MYO1B: variants seen among roughly 807,000 people sequenced by gnomAD.
The protein encoded by MYO1B is unconventional myosin-Ib.
A neutral mutation model predicts 159.7 loss-of-function variants in MYO1B; 72 were observed. The ratio of observed to expected loss-of-function variants is 0.45; its 90% CI spans 0.37 to 0.55. The LOEUF is 0.55. Among genes scored for constraint, MYO1B ranks in the 20% least tolerant of loss-of-function variants. The pLI is 0.00. For missense variants in MYO1B, 1,062 were observed against 1,364.8 expected (o/e 0.78, Z 3.50); for synonymous variants, 468 against 473.8 (o/e 0.99, Z 0.16).
chr2:191,326,976 T>G (rs1691140505), intron 3 of MYO1B, among the ~76,000 whole-genome samples: 1 of 152,156 alleles, frequency 6.6e-6, no homozygotes, highest in Admixed American at 6.5e-5. Context: ...ATTGGAAAAC[T>G]TCTTTTGTAT....
chr2:191,329,177 G>A (rs1049768818), intron 3 of MYO1B, among the ~76,000 whole-genome samples: 4 of 152,220 alleles, frequency 2.6e-5, no homozygotes, highest in Admixed American at 1.3e-4. Flanking sequence ...AGTAAATTTT[G>A]AAGTGGGGAA....
chr2:191,335,130 G>A (rs1046358952), intron 4 of MYO1B, among the ~76,000 whole-genome samples: 4 of 152,128 alleles, frequency 2.6e-5, no homozygotes, highest in African/African-American at 9.7e-5. Context: ...TTATCACTAA[G>A]ACGCCTGGAG....
intron 13 of MYO1B, among the ~76,000 whole-genome samples, chr2:191,380,609 CAGATTG>C (rs1440385797): frequency 6.6e-6 from 1 of 152,206 alleles, no homozygotes; most frequent in Non-Finnish European, 1.5e-5. Flanking sequence ...TTAAGCCCTG[CAGATTG>C]TTCAGAAATG....
chr2:191,349,459 A>C (rs965653501), intron 6 of MYO1B, among the ~76,000 whole-genome samples: 1 of 152,238 alleles, frequency 6.6e-6, no homozygotes, highest in Non-Finnish European at 1.5e-5. Flanking sequence ...CCAAACAAGA[A>C]ACAGCTGTCA....
Position 191,400,961 on chromosome 2 carries a change from C to T in MYO1B, c.2469+126C>T, listed in dbSNP as rs1451576691. ...CTCACACTGGTGCATGTCCTAGCCG[C>T]CAGATTTAACACACCTGGAAACATT... is the stretch of plus-strand genomic sequence containing the variant. On this transcript the variant is annotated intron_variant, in intron 23 of 30. Transcript: ENST00000392318. 4 of 831,202 alleles carry T rather than the reference C, an allele frequency of 4.8e-6. No homozygotes were observed. The East Asian group carries it at 1.1e-4, about 22-fold the overall frequency. The allele number at this position is 831,202 out of a possible 1,614,324, so 51.5% of individuals were successfully genotyped here.
chr2:191,271,855 G>A (rs896284484), intron 1 of MYO1B, among the ~76,000 whole-genome samples: 4 of 152,230 alleles, frequency 2.6e-5, no homozygotes, highest in Non-Finnish European at 5.9e-5. Flanking sequence ...ATCTCTGTGT[G>A]TTGGGGGGCT....
intron 13 of MYO1B, among the ~76,000 whole-genome samples, chr2:191,375,498 T>TAGATAGATAGAC (rs1553556410): frequency 4.0e-4 from 61 of 152,018 alleles, no homozygotes; most frequent in Admixed American, 3.0e-3. Context: ...GATAGATAGA[T>TAGATAGATAGAC]AGATAGATAG....
chr2:191,325,948 C>T (rs998179254), intron 3 of MYO1B, among the ~76,000 whole-genome samples: 1 of 152,002 alleles, frequency 6.6e-6, no homozygotes, highest in African/African-American at 2.4e-5. Context: ...AAAGAACAGC[C>T]GTGTAGCTGA....
Position 191,346,372 on chromosome 2 carries a change from A to G in MYO1B, c.498+90A>G, listed in dbSNP as rs772155647. ...GTAGATGTTTAATATTTCTTAATAC[A>G]CACATTTTTAAAATAAGAGGAACAT... On this transcript the variant is annotated intron_variant, in intron 6 of 30. Transcript: ENST00000392318. 3.7e-6 allele frequency: 3 copies of G among 805,770 alleles called. No homozygotes were observed. In the South Asian group the frequency reaches 8.1e-5, roughly 22 times the overall value. The allele number at this position is 805,770 out of a possible 1,614,324, so 49.9% of individuals were successfully genotyped here. A position where few individuals can be genotyped will look rare whatever the true frequency, so the allele number is the denominator to read the frequency against.
chr2:191,414,788 A>G lies in MYO1B; in HGVS notation c.3159+119A>G, dbSNP rs568742999. Reference sequence around the variant, plus strand: ...TGCCTTGCTAATTTGCAAATTTTGGATATTCACCCCTATGTAAAATCTCCG... The same window carrying G: ...TGCCTTGCTAATTTGCAAATTTTGGGTATTCACCCCTATGTAAAATCTCCG... On this transcript the variant is annotated intron_variant, in intron 29 of 30. Coordinates refer to ENST00000392318, the MANE Select transcript of MYO1B (RefSeq NM_001130158.3). 6.7e-6 allele frequency: 7 copies of G among 1,038,746 alleles called. No individual in the cohort carries two copies. In the East Asian group the frequency reaches 1.8e-4, roughly 26 times the overall value. 64.3% of individuals were successfully genotyped at this position (1,038,746 alleles called of 1,614,324 possible).
At chr2:191,363,962 G>A in intron 10 of MYO1B, 87 bp downstream of exon 10, 1 of 1,530,916 alleles carries the variant, frequency 6.5e-7, no homozygotes, top group Non-Finnish European at 9.0e-7. Context: ...TAAAATTTTT[G>A]CTTTGCATTG....
chr2:191,257,446 CAG>C (rs1218689067), intron 1 of MYO1B, among the ~76,000 whole-genome samples: 1 of 152,174 alleles, frequency 6.6e-6, no homozygotes, highest in Non-Finnish European at 1.5e-5. Context: ...ACTTTTCCAA[CAG>C]AATTCTGGAA....
chr2:191,360,963 C>T (rs1393507516), intron 8 of MYO1B, among the ~76,000 whole-genome samples: 1 of 152,144 alleles, frequency 6.6e-6, no homozygotes, highest in African/African-American at 2.4e-5. Flanking sequence ...CTCTTTAAAA[C>T]ATACTCCATA....
chr2:191,262,067 C>T (rs962817609), intron 1 of MYO1B, among the ~76,000 whole-genome samples: 1 of 152,118 alleles, frequency 6.6e-6, no homozygotes, highest in Non-Finnish European at 1.5e-5. Context: ...TAGTTTCCCA[C>T]CTTTTATGAT....
chr2:191,414,121 A>C lies in MYO1B; in HGVS notation c.2947A>C (p.Ile983Leu). Reference sequence around the variant, plus strand: ...CAAGTATAAGAAACTCAAAGATGCCATTGAAGAAAAGATCATCATTGCTGA... The same window carrying C: ...CAAGTATAAGAAACTCAAAGATGCCCTTGAAGAAAAGATCATCATTGCTGA... ...NPKYKKLKDA[I>L]EEKIIIAEVV... The change falls in exon 28 of 31, where the codon ATT (isoleucine) becomes CTT (leucine). Residue 983 changes from isoleucine (I) to leucine (L), a missense_variant. Ile to Leu is a conservative substitution (Grantham distance 5, BLOSUM62 2). Around this residue, in one of 5 missense-constraint regions of MYO1B, gnomAD observed 609 missense variants for 744.4 expected, o/e 0.82. Transcript: ENST00000392318. 3 of 1,613,522 alleles carry C rather than the reference A, an allele frequency of 1.9e-6. No homozygotes were observed. Among genetic ancestry groups the C allele is most frequent in the Non-Finnish European group, 2.5e-6 (3 of 1,179,692 alleles).
intron 3 of MYO1B, among the ~76,000 whole-genome samples, chr2:191,311,161 A>G (rs569214200): frequency 6.6e-6 from 1 of 152,338 alleles, no homozygotes; most frequent in African/African-American, 2.4e-5. Context: ...GAACTTCCTA[A>G]GCCTTATAGA....
chr2:191,332,124 G>A (rs7568825), intron 4 of MYO1B, among the ~76,000 whole-genome samples: 3 of 152,084 alleles, frequency 2.0e-5, no homozygotes, highest in Admixed American at 2.0e-4. Flanking sequence ...CACCACGCCC[G>A]GCTAATTTTT....
chr2:191,344,228 T>C (rs1692412493), intron 5 of MYO1B, among the ~76,000 whole-genome samples: 1 of 152,204 alleles, frequency 6.6e-6, no homozygotes, highest in Non-Finnish European at 1.5e-5. Context: ...AGAAATGTCA[T>C]CGTCTTCATG....
intron 30 of MYO1B, among the ~76,000 whole-genome samples, chr2:191,422,864 A>G (rs1363736694): frequency 6.6e-6 from 1 of 152,202 alleles, no homozygotes; most frequent in Non-Finnish European, 1.5e-5. Context: ...AAATGGAAAT[A>G]TAACCTGTTG....
Sources: allele counts gnomAD v4.1 joint callset (sites outside exome capture counted in the v4.1 genomes callset), GRCh38; gene constraint gnomAD v4.1.1; regional missense constraint gnomAD v4.1.1; transcripts MANE v1.5; gene names NCBI Gene and HGNC (gene_info 2026-07-23, HGNC 2026-07-21).